PCSK2: variants seen among roughly 807,000 people sequenced by gnomAD.
The protein encoded by PCSK2 is neuroendocrine convertase 2.
In PCSK2, 14 loss-of-function variants were observed where a neutral mutation model predicts 69.7. The ratio of observed to expected loss-of-function variants is 0.20; its 90% CI spans 0.13 to 0.31. PCSK2 has a LOEUF of 0.31. Ranked by LOEUF, PCSK2 falls within the 10% of genes least tolerant of loss-of-function variation. The pLI, the probability that PCSK2 is intolerant of heterozygous loss-of-function variation, is 1.00. For missense variants in PCSK2, 544 were observed against 842.5 expected, an observed-to-expected ratio of 0.65 and a Z score of 4.39; for synonymous variants, 307 against 320.7, an observed-to-expected ratio of 0.96 and a Z score of 0.46.
At chr20:17,336,615 G>A (rs937108467) in intron 2 of PCSK2, among the ~76,000 whole-genome samples, 3 of 152,230 alleles carry the variant, frequency 2.0e-5, no homozygotes, top group Admixed American at 6.5e-5. Flanking sequence ...GCTTCTGAAT[G>A]TGAAGCTGGT....
chr20:17,342,852 T>C (rs1990546319), intron 2 of PCSK2, among the ~76,000 whole-genome samples: 1 of 151,944 alleles, frequency 6.6e-6, no homozygotes, highest in African/African-American at 2.4e-5. Context: ...GATAGGGTCT[T>C]GCTATATTGC....
At chr20:17,347,264 A>C (rs1990675762) in intron 2 of PCSK2, among the ~76,000 whole-genome samples, 1 of 151,870 alleles carries the variant, frequency 6.6e-6, no homozygotes, top group Non-Finnish European at 1.5e-5. Flanking sequence ...AAGCCGGCAC[A>C]CTCCCTGTCT....
At position 17,481,730 on chromosome 20, in the gene PCSK2, C is replaced by T; in HGVS notation, c.1577C>T (p.Thr526Ile). ...AGAGGAGACCTGAACATCAACATGA[C>T]TTCCCCTATGGGCACCAAGTCCATT... Reference protein sequence around the residue: ...TRRGDLNINMTSPMGTKSILL... With the variant: ...TRRGDLNINMISPMGTKSILL... Residue 526 changes from threonine (T) to isoleucine (I), a missense_variant, in exon 12 of 12, where the codon ACT (threonine) becomes ATT (isoleucine). Transcript: ENST00000262545. 6.2e-7 allele frequency: 1 copy of T among 1,614,182 alleles called. No individual in the cohort carries two copies. The highest frequency in any genetic ancestry group is 8.5e-7 in the Non-Finnish European group (1 of 1,180,028).
intron 6 of PCSK2, among the ~76,000 whole-genome samples, chr20:17,411,940 G>T (rs1478379579): frequency 1.3e-5 from 2 of 152,206 alleles, no homozygotes; most frequent in Non-Finnish European, 2.9e-5. Flanking sequence ...TGAGGGACCT[G>T]ACTGTTAGAA....
At chr20:17,343,155 T>C (rs894067635) in intron 2 of PCSK2, among the ~76,000 whole-genome samples, 1 of 152,236 alleles carries the variant, frequency 6.6e-6, no homozygotes, top group Non-Finnish European at 1.5e-5. Context: ...ACTCTCTGTA[T>C]TGCATGAGAA....
In PCSK2 at chr20:17,483,641, A is replaced by G. The variant is rs2033448680; in HGVS notation, c.*1571A>G. 6.6e-6 allele frequency: 1 copy of G among 151,622 alleles called. No individual in the cohort carries two copies. The highest frequency in any genetic ancestry group is 2.4e-5 in the African/African-American group (1 of 41,208). 9.4% of individuals were successfully genotyped at this position (151,622 alleles called of 1,614,324 possible). On this transcript the variant is annotated 3_prime_UTR_variant, in exon 12 of 12. Transcript: ENST00000262545. ...GCCACTTTAAGAGAGAAATCTGAAA[A>G]CCCCATTTGCTTTCTTTTCTCCCAT...
chr20:17,392,967 G>A (rs1326222507), intron 5 of PCSK2, among the ~76,000 whole-genome samples: 3 of 152,194 alleles, frequency 2.0e-5, no homozygotes, highest in Non-Finnish European at 2.9e-5. Flanking sequence ...GCTCTTTAAT[G>A]TCTAGAAAAT....
At chr20:17,233,743 C>T (rs541548330) in intron 1 of PCSK2, among the ~76,000 whole-genome samples, 1 of 152,168 alleles carries the variant, frequency 6.6e-6, no homozygotes, top group African/African-American at 2.4e-5. Context: ...GAGCTAAGCA[C>T]CAGATTCATT....
intron 2 of PCSK2, among the ~76,000 whole-genome samples, chr20:17,341,532 T>A (rs559330185): frequency 6.6e-6 from 1 of 152,328 alleles, no homozygotes; most frequent in South Asian, 2.1e-4. Context: ...AAAATTCCCT[T>A]GTTTTCAGGA....
intron 2 of PCSK2, among the ~76,000 whole-genome samples, chr20:17,326,956 C>G (rs566868546): frequency 5.3e-5 from 8 of 152,288 alleles, no homozygotes; most frequent in African/African-American, 1.4e-4. Context: ...CTCCTTCCAG[C>G]CTCACTCCAC....
At chr20:17,427,044 C>A (rs934726077) in intron 6 of PCSK2, among the ~76,000 whole-genome samples, 1 of 152,154 alleles carries the variant, frequency 6.6e-6, no homozygotes, top group African/African-American at 2.4e-5. Context: ...AGCAGCAGAC[C>A]TGAGTTTGAA....
chr20:17,456,275 C>A, intron 9 of PCSK2, 73 bp from the exon 10 acceptor site: 2 of 774,562 alleles, frequency 2.6e-6, no homozygotes, highest in South Asian at 1.5e-5. Flanking sequence ...GTAGATAATC[C>A]CCTGCTCCAC....
chr20:17,412,960 C>T (rs915074042), intron 6 of PCSK2, among the ~76,000 whole-genome samples: 1 of 152,052 alleles, frequency 6.6e-6, no homozygotes, highest in Non-Finnish European at 1.5e-5. Context: ...GAAATAAAAT[C>T]CTTTACAGAC....
At chr20:17,351,807 C>T (rs537875790) in intron 2 of PCSK2, among the ~76,000 whole-genome samples, 2 of 152,244 alleles carry the variant, frequency 1.3e-5, no homozygotes, top group South Asian at 4.1e-4. Flanking sequence ...GATGCCTACT[C>T]TCACCACCCC....
At chr20:17,237,444 A>G (rs1448311772) in intron 1 of PCSK2, among the ~76,000 whole-genome samples, 2 of 152,220 alleles carry the variant, frequency 1.3e-5, no homozygotes, top group African/African-American at 2.4e-5. Context: ...AACTTTGGAC[A>G]TGAAAGGAGA....
At chr20:17,391,906 G>GAGGATGGAAGGAAGGAAGGA in intron 5 of PCSK2, among the ~76,000 whole-genome samples, 1 of 100,010 alleles carries the variant, frequency 1.0e-5, no homozygotes, top group African/African-American at 3.9e-5. Flanking sequence ...GAAAGAGAGA[G>GAGGATGGAAGGAAGGAAGGA]AGGAAGGAAG....
At chr20:17,456,873 A>G (rs75411817) in intron 10 of PCSK2, among the ~76,000 whole-genome samples, 4,333 of 152,356 alleles carry the variant, frequency 0.028, 257 homozygotes, top group East Asian at 0.2. Context: ...GTGGCAAACA[A>G]AGTGGTCCCA....
At chr20:17,439,222 A>T (rs2032549187) in intron 8 of PCSK2, among the ~76,000 whole-genome samples, 1 of 151,624 alleles carries the variant, frequency 6.6e-6, no homozygotes, top group African/African-American at 2.4e-5. Flanking sequence ...TGCAGCCTCA[A>T]CCTCCTGGGC....
At chr20:17,449,968 T>C (rs1040613706) in intron 8 of PCSK2, among the ~76,000 whole-genome samples, 3 of 151,340 alleles carry the variant, frequency 2.0e-5, no homozygotes, top group Non-Finnish European at 2.9e-5. Context: ...CAAAGCCTTA[T>C]TTAGCACTTC....
Sources: gnomAD v4.1 joint callset for allele counts (sites outside exome capture counted in the v4.1 genomes callset) on GRCh38, gnomAD v4.1.1 for gene constraint, MANE v1.5 for transcripts, NCBI Gene and HGNC (gene_info 2026-07-23, HGNC 2026-07-21) for gene names.